Variants in LAMA2 observed in about 807,000 individuals in gnomAD.
The protein encoded by LAMA2 is laminin subunit alpha-2.
A neutral mutation model predicts 364.8 loss-of-function variants in LAMA2; 269 were observed. The observed-to-expected ratio is 0.74, with a 90% CI of 0.67 to 0.82. The LOEUF (loss-of-function observed/expected upper bound fraction) is 0.82. Ranked by LOEUF, LAMA2 falls within the 40% of genes least tolerant of loss-of-function variation. The probability of loss-of-function intolerance (pLI) is 0.00; values close to 1 mark genes in which losing one functional copy is unlikely to be tolerated. For synonymous variants in LAMA2, 1,379 were observed against 1,370.6 expected, an observed-to-expected ratio of 1.01 and a Z score of -0.14; for missense variants, 3,807 against 3,873.2, an observed-to-expected ratio of 0.98 and a Z score of 0.45.
At chr6:128,900,534 C>CA (rs1777025305) in intron 1 of LAMA2, among the ~76,000 whole-genome samples, 1 of 152,148 alleles carries the variant, frequency 6.6e-6, no homozygotes, top group African/African-American at 2.4e-5. Flanking sequence ...CATCATGATA[C>CA]TGTCGGATGT....
In LAMA2 at chr6:129,085,236, C is replaced by T. The variant is rs567116115; in HGVS notation, c.397-12937C>T. ...CAGAATTTCATGACATTTTGTCCTA[C>T]TTTAAATGGAAATGTCTATAGACTT... is the stretch of plus-strand genomic sequence containing the variant. On this transcript the variant is annotated intron_variant, in intron 3 of 64. Coordinates refer to ENST00000421865, the MANE Select transcript of LAMA2 (RefSeq NM_000426.4). Among the ~76,000 whole-genome samples the T allele has an allele frequency of 9.9e-5, 15 of 152,276 alleles. 1 individual carries two copies. In the South Asian group the frequency reaches 2.9e-3, roughly 29 times the overall value.
At chr6:129,499,945 G>T (rs573728638) in intron 58 of LAMA2, among the ~76,000 whole-genome samples, 1 of 151,992 alleles carries the variant, frequency 6.6e-6, no homozygotes, top group South Asian at 2.1e-4. Context: ...AGGGGGGCAG[G>T]GGTCCTCACT....
At position 129,492,499 on chromosome 6, in the gene LAMA2, A is replaced by T. The variant is rs368296936; in HGVS notation, c.8244+16A>T. On this transcript the variant is annotated intron_variant, in intron 58 of 64. Transcript: ENST00000421865. ...TCTGACACATGTAAGTGTTTATATT[A>T]TCCCCATTGCTTTCTAATTTTTACC... is the stretch of plus-strand genomic sequence containing the variant. 22 of 1,610,248 alleles carry T rather than the reference A, an allele frequency of 1.4e-5. No individual in the cohort carries two copies. In the African/African-American group the frequency reaches 2.7e-4, roughly 20 times the overall value.
At chr6:129,265,714 G>A (rs987308923) in intron 15 of LAMA2, among the ~76,000 whole-genome samples, 8 of 151,634 alleles carry the variant, frequency 5.3e-5, no homozygotes, top group Admixed American at 6.6e-5. Flanking sequence ...GGGGCCTGTC[G>A]GAGGGTGGGG....
intron 1 of LAMA2, among the ~76,000 whole-genome samples, chr6:128,917,770 G>A (rs1322911037): frequency 3.6e-5 from 4 of 109,592 alleles, no homozygotes; most frequent in Admixed American, 2.8e-4. Flanking sequence ...CTCTTACTCC[G>A]TTGCCCAGGC....
chr6:128,919,415 T>C (rs1238468921), intron 1 of LAMA2, among the ~76,000 whole-genome samples: 1 of 152,244 alleles, frequency 6.6e-6, no homozygotes, highest in Non-Finnish European at 1.5e-5. Context: ...GTAACAATTA[T>C]ATAATGGTTA....
intron 1 of LAMA2, chr6:128,928,995 G>A (rs1582700817): frequency 7.9e-7 from 1 of 1,259,918 alleles, no homozygotes; most frequent in Admixed American, 1.7e-5. Flanking sequence ...AGAAGGAGCA[G>A]AAGGAGTTAG....
At chr6:129,271,732 A>T (rs1056285059) in intron 17 of LAMA2, among the ~76,000 whole-genome samples, 2 of 152,150 alleles carry the variant, frequency 1.3e-5, no homozygotes, top group Admixed American at 1.3e-4. Context: ...TTCATATCGT[A>T]TTGTACACTT....
At chr6:129,305,325 CTT>C (rs200290155) in intron 22 of LAMA2, among the ~76,000 whole-genome samples, 2 of 145,010 alleles carry the variant, frequency 1.4e-5, no homozygotes, top group Admixed American at 1.4e-4. Context: ...TAATGTGTGC[CTT>C]TTTTTTTTTT....
At chr6:129,484,524 T>C (rs9372933) in intron 55 of LAMA2, among the ~76,000 whole-genome samples, 6 of 151,926 alleles carry the variant, frequency 3.9e-5, no homozygotes, top group African/African-American at 1.5e-4. Flanking sequence ...ACAACCCAAG[T>C]GTTCATCAGC....
chr6:129,068,093 G>A (rs1773055725), intron 3 of LAMA2, among the ~76,000 whole-genome samples: 1 of 152,138 alleles, frequency 6.6e-6, no homozygotes, highest in South Asian at 2.1e-4. Context: ...ACTTAGAATA[G>A]TGCACAACAT....
At chr6:129,335,184 G>A (rs553996987) in intron 29 of LAMA2, among the ~76,000 whole-genome samples, 2 of 152,152 alleles carry the variant, frequency 1.3e-5, no homozygotes, top group African/African-American at 2.4e-5. Flanking sequence ...CTTCATCCTA[G>A]GCATTAATAA....
At chr6:129,362,894 G>A (rs1777546360) in intron 32 of LAMA2, among the ~76,000 whole-genome samples, 1 of 152,158 alleles carries the variant, frequency 6.6e-6, no homozygotes, top group South Asian at 2.1e-4. Flanking sequence ...AAGAATTCTA[G>A]GTAGAGAAGA....
chr6:129,174,010 C>T (rs1780395614), intron 9 of LAMA2, among the ~76,000 whole-genome samples: 1 of 152,018 alleles, frequency 6.6e-6, no homozygotes, highest in African/African-American at 2.4e-5. Context: ...TGTCTCACTA[C>T]TGTTGATAAT....
intron 42 of LAMA2, among the ~76,000 whole-genome samples, chr6:129,440,571 AT>A (rs1782055307): frequency 6.6e-6 from 1 of 152,196 alleles, no homozygotes; most frequent in Admixed American, 6.6e-5. Flanking sequence ...TACAATGAAC[AT>A]TTAGAATAGT....
chr6:129,402,208 CA>C (rs372396435), intron 38 of LAMA2, 115 bp from the exon 39 acceptor site: 17,673 of 441,718 alleles, frequency 0.04, 3 homozygotes, highest in East Asian at 0.047. Flanking sequence ...GACTCTGTCT[CA>C]AAAAAAAAAA....
Position 129,148,981 on chromosome 6 carries a change from A to G in LAMA2, c.912A>G (p.Lys304=), listed in dbSNP as rs1778641665. The G allele has an allele frequency of 3.7e-6, 6 of 1,610,296 alleles. No homozygotes were observed. Among genetic ancestry groups the G allele is most frequent in the Non-Finnish European group, 5.1e-6 (6 of 1,176,630 alleles). ...RACPLDPATN[K]SRCECEHNTC... The stretch of plus-strand genomic sequence containing the variant: ...GCTTCCTCCCTCTTTTTGACTAGAA[A>G]TCTCGCTGTGAGTGTGAGCATAACA... Residue 304 remains lysine, a splice_region_variant and synonymous_variant, in exon 7 of 65, where the codon AAA becomes AAG. Coordinates refer to ENST00000421865, the MANE Select transcript of LAMA2 (RefSeq NM_000426.4).
At chr6:129,375,796 G>A (rs567350812) in intron 34 of LAMA2, among the ~76,000 whole-genome samples, 30 of 152,228 alleles carry the variant, frequency 2.0e-4, no homozygotes, top group African/African-American at 7.0e-4. Context: ...TTGGTCCTAT[G>A]TGCCTTACTA....
chr6:129,052,131 TCTC>T lies in LAMA2; in HGVS notation c.283+2046_283+2048del, dbSNP rs1438158091. ...ATTTTAAAATTTGCTTAGTATTTCT[TCTC>T]CTTTTTTTTTTTTTTTTTTTAGGCA... On this transcript the variant is annotated intron_variant, in intron 2 of 64. Transcript: ENST00000421865. 2.0e-5 allele frequency among the ~76,000 whole-genome samples: 3 copies of T among 147,028 alleles called. No individual in the cohort carries two copies. The Admixed American group carries it at 2.1e-4, about 10-fold the overall frequency.
Sources: gnomAD v4.1 joint callset for allele counts (sites outside exome capture counted in the v4.1 genomes callset) on GRCh38, gnomAD v4.1.1 for gene constraint, MANE v1.5 for transcripts, NCBI Gene and HGNC (gene_info 2026-07-23, HGNC 2026-07-21) for gene names.